PDE4B: variants seen among roughly 807,000 people sequenced by gnomAD.
PDE4B encodes the protein 3',5'-cyclic-AMP phosphodiesterase 4B.
In PDE4B, 20 loss-of-function variants were observed where a neutral mutation model predicts 82.2. That is an observed-to-expected ratio of 0.24 (90% CI 0.17 to 0.35). The LOEUF is 0.35. Among genes scored for constraint, PDE4B ranks in the 10% least tolerant of loss-of-function variants. The pLI is 1.00. For missense variants in PDE4B, 655 were observed against 907.2 expected, an observed-to-expected ratio of 0.72 and a Z score of 3.57; for synonymous variants, 320 against 318.9, an observed-to-expected ratio of 1.00 and a Z score of -0.04.
In PDE4B at chr1:66,078,796, G is replaced by A. The variant is rs72920219; in HGVS notation, c.281+159961G>A. ...CACAGCCTAGCACAAAACCTCATAT[G>A]AAAAGCGCATAATACGTGAGAGGTT... On this transcript the variant is annotated intron_variant, in intron 3 of 16. Coordinates refer to ENST00000341517, the MANE Select transcript of PDE4B (RefSeq NM_002600.4). Among the ~76,000 whole-genome samples, 1,329 of 152,090 alleles carry A rather than the reference G, an allele frequency of 8.7e-3. 20 individuals carry two copies. Among genetic ancestry groups the A allele is most frequent in the African/African-American group, 0.03 (1,245 of 41,502 alleles).
At chr1:65,913,505 A>C in intron 2 of PDE4B, 149 bp downstream of exon 2, 2 of 694,086 alleles carry the variant, frequency 2.9e-6, no homozygotes, top group Admixed American at 2.4e-5. Context: ...CCTGGACCTG[A>C]CGTTCTGTGA....
chr1:66,271,903 C>A (rs536261194), intron 7 of PDE4B, among the ~76,000 whole-genome samples: 1 of 152,330 alleles, frequency 6.6e-6, no homozygotes, highest in South Asian at 2.1e-4. Flanking sequence ...CTCCTCCAAA[C>A]ACACACACAC....
intron 3 of PDE4B, among the ~76,000 whole-genome samples, chr1:66,195,897 A>G (rs1648258959): frequency 6.6e-6 from 1 of 151,098 alleles, no homozygotes; most frequent in South Asian, 2.1e-4. Context: ...TATTGATTGC[A>G]TGATAATGAC....
intron 3 of PDE4B, among the ~76,000 whole-genome samples, chr1:66,015,559 T>C (rs1484343652): frequency 1.3e-5 from 2 of 151,352 alleles, no homozygotes; most frequent in African/African-American, 4.9e-5. Context: ...CCTCAAGCCA[T>C]GAGAACATTT....
At chr1:66,268,999 A>ATGTG (rs1655266128) in intron 7 of PDE4B, among the ~76,000 whole-genome samples, 1 of 152,240 alleles carries the variant, frequency 6.6e-6, no homozygotes, top group South Asian at 2.1e-4. Context: ...TTCACATAGT[A>ATGTG]AGAACACAGT....
chr1:66,130,338 T>G (rs757093163), intron 3 of PDE4B, among the ~76,000 whole-genome samples: 1 of 152,238 alleles, frequency 6.6e-6, no homozygotes, highest in African/African-American at 2.4e-5. Context: ...CGTTCATTCA[T>G]TTATTCTTTC....
chr1:65,993,115 G>A (rs764112787), intron 3 of PDE4B: 20 of 1,613,482 alleles, frequency 1.2e-5, no homozygotes, highest in African/African-American at 2.7e-5. Flanking sequence ...ATTCGGCAGC[G>A]TCGTCGCTTC....
At chr1:66,267,926 A>C (rs1655173832) in intron 7 of PDE4B, among the ~76,000 whole-genome samples, 1 of 152,226 alleles carries the variant, frequency 6.6e-6, no homozygotes, top group Non-Finnish European at 1.5e-5. Context: ...GGTGTGTTTA[A>C]ATAGAAACTT....
chr1:66,046,555 C>T (rs1654726055), intron 3 of PDE4B, among the ~76,000 whole-genome samples: 1 of 151,826 alleles, frequency 6.6e-6, no homozygotes, highest in Non-Finnish European at 1.5e-5. Context: ...GAGCAAGATA[C>T]ATCCCAGAAC....
At chr1:66,069,613 G>A (rs752417418) in intron 3 of PDE4B, among the ~76,000 whole-genome samples, 5 of 151,978 alleles carry the variant, frequency 3.3e-5, no homozygotes, top group Non-Finnish European at 4.4e-5. Flanking sequence ...TTTGGAATTA[G>A]CAGTGTTGAA....
intron 1 of PDE4B, among the ~76,000 whole-genome samples, chr1:65,816,380 G>A (rs948936131): frequency 3.9e-5 from 6 of 152,034 alleles, no homozygotes; most frequent in African/African-American, 1.5e-4. Context: ...TGCTGCTACC[G>A]AATTGATAAT....
chr1:65,958,170 A>T (rs1370659414), intron 3 of PDE4B, among the ~76,000 whole-genome samples: 2 of 152,058 alleles, frequency 1.3e-5, no homozygotes, highest in Admixed American at 6.6e-5. Flanking sequence ...TCTTAGCTTT[A>T]TAAGATTTTT....
intron 3 of PDE4B, among the ~76,000 whole-genome samples, chr1:66,057,339 G>C (rs1655355138): frequency 6.6e-6 from 1 of 152,160 alleles, no homozygotes; most frequent in African/African-American, 2.4e-5. Flanking sequence ...TGCTAAAAAG[G>C]AGGAAATACT....
At chr1:66,200,212 T>C (rs1648764661) in intron 3 of PDE4B, among the ~76,000 whole-genome samples, 1 of 152,212 alleles carries the variant, frequency 6.6e-6, no homozygotes, top group African/African-American at 2.4e-5. Flanking sequence ...TATATCTCTG[T>C]TTTGGTAGCA....
At chr1:65,814,854 T>A (rs902837035) in intron 1 of PDE4B, among the ~76,000 whole-genome samples, 1 of 152,030 alleles carries the variant, frequency 6.6e-6, no homozygotes, top group African/African-American at 2.4e-5. Flanking sequence ...GCTACAAATT[T>A]TTTTTTGTAT....
At chr1:65,935,787 C>G (rs188139778) in intron 3 of PDE4B, among the ~76,000 whole-genome samples, 22 of 152,064 alleles carry the variant, frequency 1.4e-4, no homozygotes, top group Non-Finnish European at 2.2e-4. Context: ...AATAAAAGTA[C>G]AAAATTAGCC....
At chr1:66,294,716 A>C (rs2101821223) in intron 7 of PDE4B, among the ~76,000 whole-genome samples, 1 of 152,236 alleles carries the variant, frequency 6.6e-6, no homozygotes, top group African/African-American at 2.4e-5. Flanking sequence ...ATGTTCCAGC[A>C]AAAGAGGAGA....
At chr1:65,805,542 T>G (rs1645745485) in intron 1 of PDE4B, among the ~76,000 whole-genome samples, 1 of 152,190 alleles carries the variant, frequency 6.6e-6, no homozygotes, top group Non-Finnish European at 1.5e-5. Context: ...GTGCAGCTTT[T>G]TTTTTTAAAC....
chr1:66,106,793 A>G (rs547575724), intron 3 of PDE4B, among the ~76,000 whole-genome samples: 2 of 134,002 alleles, frequency 1.5e-5, no homozygotes, highest in African/African-American at 5.2e-5. Flanking sequence ...TATCCCCTTT[A>G]TCATTTTTTA....
Sources: gnomAD v4.1 joint callset for allele counts (sites outside exome capture counted in the v4.1 genomes callset) on GRCh38, gnomAD v4.1.1 for gene constraint, MANE v1.5 for transcripts, NCBI Gene and HGNC (gene_info 2026-07-23, HGNC 2026-07-21) for gene names.